The following SNX14 variants were observed in gnomAD, a reference collection of about 807,000 sequenced individuals.
The protein encoded by SNX14 is sorting nexin-14.
In SNX14, 93 loss-of-function variants were observed where a neutral mutation model predicts 133.8. That is an observed-to-expected ratio of 0.70 (90% CI 0.59 to 0.83). The LOEUF (loss-of-function observed/expected upper bound fraction) is 0.83. Among genes scored for constraint, SNX14 ranks in the 40% least tolerant of loss-of-function variants. SNX14 has a pLI of 0.00. For synonymous variants in SNX14, 368 were observed against 365.6 expected (o/e 1.01, Z -0.07); for missense variants, 945 against 1,094.9 (o/e 0.86, Z 1.93).
intron 12 of SNX14, among the ~76,000 whole-genome samples, chr6:85,546,311 T>C (rs1785465261): frequency 6.6e-6 from 1 of 152,252 alleles, no homozygotes; most frequent in Non-Finnish European, 1.5e-5. Flanking sequence ...TGTGTTTCAC[T>C]ATATAAATTA....
At chr6:85,553,657 G>T (rs1457086674) in intron 7 of SNX14, among the ~76,000 whole-genome samples, 2 of 152,052 alleles carry the variant, frequency 1.3e-5, no homozygotes, top group East Asian at 3.9e-4. Context: ...GTGATGGCAG[G>T]CGCCTGTAGT....
chr6:85,520,176 G>A (rs969286273), intron 21 of SNX14, among the ~76,000 whole-genome samples: 7 of 151,254 alleles, frequency 4.6e-5, no homozygotes, highest in African/African-American at 1.7e-4. Context: ...CCAAGTAGCT[G>A]GGATTATAGG....
chr6:85,592,756 GAGGC>G (rs1803220188), intron 1 of SNX14, among the ~76,000 whole-genome samples: 1 of 151,568 alleles, frequency 6.6e-6, no homozygotes, highest in African/African-American at 2.4e-5. Context: ...TCGGGAGGCC[GAGGC>G]AGGCGGCTCA....
intron 13 of SNX14, 55 bp from the exon 14 acceptor site, chr6:85,543,361 G>C: frequency 1.4e-6 from 2 of 1,415,620 alleles, no homozygotes; most frequent in Non-Finnish European, 1.9e-6. Flanking sequence ...AATATATACA[G>C]TTCTAAAACG....
intron 7 of SNX14, among the ~76,000 whole-genome samples, chr6:85,552,278 C>T (rs1424185476): frequency 2.0e-5 from 3 of 151,918 alleles, no homozygotes; most frequent in African/African-American, 4.8e-5. Context: ...CCTCGTGATC[C>T]GCCCGCCTCG....
chr6:85,544,991 T>C (rs1191948174), intron 12 of SNX14, among the ~76,000 whole-genome samples: 2 of 152,190 alleles, frequency 1.3e-5, no homozygotes, highest in Non-Finnish European at 2.9e-5. Context: ...AGAAATAATG[T>C]ACTGTGGTTT....
intron 26 of SNX14, among the ~76,000 whole-genome samples, chr6:85,511,052 A>G (rs889173442): frequency 4.6e-5 from 7 of 152,214 alleles, no homozygotes; most frequent in South Asian, 2.1e-4. Context: ...TTCTATCCAC[A>G]TAAAATCTCT....
chr6:85,574,433 T>C, intron 1 of SNX14, 55 bp from the exon 2 acceptor site: 3 of 1,320,956 alleles, frequency 2.3e-6, no homozygotes, highest in Non-Finnish European at 1.0e-6. Context: ...TAATTCTAAG[T>C]TACCGCTTCA....
chr6:85,508,730 C>T (rs182059228), intron 26 of SNX14, among the ~76,000 whole-genome samples: 2 of 152,220 alleles, frequency 1.3e-5, no homozygotes, highest in Admixed American at 1.3e-4. Context: ...AGATTTGTGT[C>T]TGGCTGCATA....
intron 6 of SNX14, among the ~76,000 whole-genome samples, chr6:85,559,007 C>A (rs1366081551): frequency 1.3e-5 from 2 of 151,758 alleles, no homozygotes; most frequent in Non-Finnish European, 2.9e-5. Context: ...TCAACAGGCC[C>A]GTCTTCCACC....
chr6:85,568,966 C>CTT (rs369775673), intron 4 of SNX14, among the ~76,000 whole-genome samples: 2 of 147,492 alleles, frequency 1.4e-5, no homozygotes, highest in East Asian at 2.0e-4. Flanking sequence ...CTTTTCTTTT[C>CTT]TTTTTTTTTT....
chr6:85,518,102 G>T, intron 21 of SNX14, 54 bp from the exon 22 acceptor site: 1 of 1,395,376 alleles, frequency 7.2e-7, no homozygotes, highest in Non-Finnish European at 1.0e-6. Flanking sequence ...CTTCATAATT[G>T]CTCACATGAA....
chr6:85,514,894 CTT>C (rs1774256100), intron 23 of SNX14, among the ~76,000 whole-genome samples: 1 of 152,046 alleles, frequency 6.6e-6, no homozygotes, highest in South Asian at 2.1e-4. Flanking sequence ...TTAAAGACCC[CTT>C]TGTTTTTACA....
chr6:85,538,794 T>C, intron 16 of SNX14, 44 bp downstream of exon 16: 1 of 1,556,452 alleles, frequency 6.4e-7, no homozygotes, highest in Non-Finnish European at 8.7e-7. Flanking sequence ...ATGTACTTTC[T>C]AAAAACATTT....
At chr6:85,588,797 A>G in intron 1 of SNX14, 1 of 448,290 alleles carries the variant, frequency 2.2e-6, no homozygotes, top group Non-Finnish European at 4.5e-6. Context: ...GTATTCTTAC[A>G]ATGATGTAAG....
At chr6:85,549,677 A>AT (rs1339325194) in intron 8 of SNX14, 46 bp downstream of exon 8, 1 of 1,529,762 alleles carries the variant, frequency 6.5e-7, no homozygotes, top group Non-Finnish European at 8.8e-7. Context: ...CAATATACAT[A>AT]TGGCATGTTA....
At chr6:85,587,228 A>G (rs1801188411) in intron 1 of SNX14, among the ~76,000 whole-genome samples, 1 of 152,120 alleles carries the variant, frequency 6.6e-6, no homozygotes, top group African/African-American at 2.4e-5. Context: ...ATATGGCAAA[A>G]TATGGATAGT....
intron 16 of SNX14, 63 bp downstream of exon 16, chr6:85,538,775 T>G: frequency 7.0e-7 from 1 of 1,425,082 alleles, no homozygotes; most frequent in Non-Finnish European, 9.7e-7. Flanking sequence ...TTGTATTAGG[T>G]TGTTCACAAT....
At chr6:85,564,785 C>T (rs913918502) in intron 6 of SNX14, among the ~76,000 whole-genome samples, 5 of 151,946 alleles carry the variant, frequency 3.3e-5, no homozygotes, top group Non-Finnish European at 1.5e-5. Flanking sequence ...GTCAGGAGAT[C>T]GAGACCATCC....
Sources: gnomAD v4.1 joint callset for allele counts (sites outside exome capture counted in the v4.1 genomes callset) on GRCh38, gnomAD v4.1.1 for gene constraint, MANE v1.5 for transcripts, NCBI Gene and HGNC (gene_info 2026-07-23, HGNC 2026-07-21) for gene names.